ASTN1: variants seen among roughly 807,000 people sequenced by gnomAD.
ASTN1 encodes the protein astrotactin 1, also known as astrotactin-1.
ASTN1 carries 41 observed loss-of-function variants against 140.7 expected under a neutral mutation model. That is an observed-to-expected ratio of 0.29 (90% CI 0.23 to 0.38). The LOEUF is 0.38. Ranked by LOEUF, ASTN1 falls within the 10% of genes least tolerant of loss-of-function variation. ASTN1 has a pLI of 1.00. For synonymous variants in ASTN1, 640 were observed against 652.2 expected, an observed-to-expected ratio of 0.98 and a Z score of 0.29; for missense variants, 1,479 against 1,678.8, an observed-to-expected ratio of 0.88 and a Z score of 2.08.
intron 8 of ASTN1, among the ~76,000 whole-genome samples, chr1:176,972,697 C>T (rs1673190520): frequency 6.6e-6 from 1 of 150,760 alleles, no homozygotes. Flanking sequence ...ATATAAATCT[C>T]ATGCAAAGAA....
At chr1:177,008,182 G>GT (rs745979110) in intron 8 of ASTN1, among the ~76,000 whole-genome samples, 16 of 152,090 alleles carry the variant, frequency 1.1e-4, no homozygotes, top group African/African-American at 1.7e-4. Flanking sequence ...CCAAGGAAGG[G>GT]TTTTTTTGTT....
chr1:176,995,379 C>T (rs1571621437), intron 8 of ASTN1, among the ~76,000 whole-genome samples: 1 of 152,098 alleles, frequency 6.6e-6, no homozygotes, highest in Non-Finnish European at 1.5e-5. Context: ...TATTAAGACT[C>T]GATAGCATCA....
intron 9 of ASTN1, among the ~76,000 whole-genome samples, chr1:176,959,594 G>C (rs1056700991): frequency 4.6e-5 from 7 of 152,266 alleles, no homozygotes; most frequent in Admixed American, 2.6e-4. Context: ...CTGAGTTAGA[G>C]AGCAGCCAAG....
chr1:176,958,195 C>T (rs752553011), intron 10 of ASTN1, 150 bp downstream of exon 10: 2 of 1,213,100 alleles, frequency 1.6e-6, no homozygotes, highest in Non-Finnish European at 2.3e-6. Flanking sequence ...AAAGCAGACC[C>T]TGGCACAACA....
At chr1:176,894,321 A>G (rs1669397800) in intron 17 of ASTN1, among the ~76,000 whole-genome samples, 1 of 152,182 alleles carries the variant, frequency 6.6e-6, no homozygotes. Context: ...CCAGCCCTAC[A>G]CAGGTGCTCA....
intron 2 of ASTN1, among the ~76,000 whole-genome samples, chr1:177,048,885 G>A (rs1008922890): frequency 2.0e-5 from 3 of 152,324 alleles, no homozygotes; most frequent in Non-Finnish European, 4.4e-5. Context: ...ACTGGGCCAT[G>A]TGAAGGGTTC....
At chr1:176,932,052 C>T (rs1251391945) in intron 16 of ASTN1, among the ~76,000 whole-genome samples, 1 of 152,214 alleles carries the variant, frequency 6.6e-6, no homozygotes, top group African/African-American at 2.4e-5. Flanking sequence ...TGACTCTAGA[C>T]TTCCATCCTT....
At chr1:176,943,169 A>G (rs949280549) in intron 14 of ASTN1, among the ~76,000 whole-genome samples, 5 of 152,022 alleles carry the variant, frequency 3.3e-5, no homozygotes, top group Admixed American at 2.6e-4. Context: ...GCCGCCTCTC[A>G]TTAGTCCATG....
At chr1:176,990,236 G>C (rs12750618) in intron 8 of ASTN1, among the ~76,000 whole-genome samples, 1 of 147,780 alleles carries the variant, frequency 6.8e-6, no homozygotes, top group African/African-American at 2.5e-5. Context: ...GCACAGCAGG[G>C]GTGGGGGGGT....
chr1:176,862,984 A>G lies in ASTN1; in HGVS notation c.*1300T>C. On this transcript the variant is annotated 3_prime_UTR_variant, in exon 23 of 23. Coordinates refer to ENST00000361833, the MANE Select transcript of ASTN1 (RefSeq NM_004319.3). The stretch of plus-strand genomic sequence containing the variant: ...GGCCACTGAGTTGTGTGGGACAGCT[A>G]AGGCCATTGCTAGTCAACAGGGCCT... 1.0e-6 allele frequency: 1 copy of G among 985,470 alleles called. No individual in the cohort carries two copies. The highest frequency in any genetic ancestry group is 1.2e-6 in the Non-Finnish European group (1 of 829,942). The allele number at this position is 985,470 out of a possible 1,614,324, so 61.0% of individuals were successfully genotyped here. A position where few individuals can be genotyped will look rare whatever the true frequency, so the allele number is the denominator to read the frequency against.
chr1:177,086,223 A>G (rs1364232387), intron 1 of ASTN1, among the ~76,000 whole-genome samples: 2 of 110,510 alleles, frequency 1.8e-5, no homozygotes, highest in East Asian at 6.2e-4. Context: ...TTCCCTAGTG[A>G]GCTTCTTTCC....
intron 21 of ASTN1, among the ~76,000 whole-genome samples, chr1:176,872,091 C>T (rs1341931430): frequency 6.6e-6 from 1 of 152,084 alleles, no homozygotes; most frequent in Non-Finnish European, 1.5e-5. Flanking sequence ...GGACAAGTTA[C>T]TTAACCTCTC....
chr1:177,017,031 T>C (rs228020), intron 7 of ASTN1, among the ~76,000 whole-genome samples: 91,228 of 152,116 alleles, frequency 0.6, 28,245 homozygotes, highest in African/African-American at 0.73. Context: ...GAGTTCTCTT[T>C]CACATTTGAT....
chr1:177,136,001 A>G (rs991256886), intron 1 of ASTN1, among the ~76,000 whole-genome samples: 1 of 152,200 alleles, frequency 6.6e-6, no homozygotes, highest in Non-Finnish European at 1.5e-5. Context: ...AAAATGAAGC[A>G]AAACAAATGT....
At chr1:177,006,133 T>G (rs1674981962) in intron 8 of ASTN1, among the ~76,000 whole-genome samples, 1 of 152,268 alleles carries the variant, frequency 6.6e-6, no homozygotes, top group African/African-American at 2.4e-5. Flanking sequence ...AGCTTAAAAT[T>G]GAAGGTTTTA....
At chr1:177,016,262 C>T (rs1217736883) in intron 7 of ASTN1, among the ~76,000 whole-genome samples, 1 of 147,832 alleles carries the variant, frequency 6.8e-6, no homozygotes, top group East Asian at 2.0e-4. Flanking sequence ...TTGTCCCCCA[C>T]AGCAGTTCAG....
At chr1:176,934,388 G>T in intron 15 of ASTN1, 48 bp from the exon 16 acceptor site, 1 of 1,526,666 alleles carries the variant, frequency 6.6e-7, no homozygotes, top group East Asian at 2.3e-5. Context: ...TCAGATTTTG[G>T]GTATACGGAT....
At chr1:177,144,819 G>A (rs971773595) in intron 1 of ASTN1, among the ~76,000 whole-genome samples, 6 of 152,020 alleles carry the variant, frequency 3.9e-5, no homozygotes, top group African/African-American at 1.4e-4. Context: ...TAGATTCAAT[G>A]TGCAGCGATA....
intron 1 of ASTN1, among the ~76,000 whole-genome samples, chr1:177,129,241 G>A (rs1262246861): frequency 2.0e-5 from 3 of 152,196 alleles, no homozygotes; most frequent in African/African-American, 2.4e-5. Flanking sequence ...TAATCACTGC[G>A]TTCATAGAAC....
Sources: gnomAD v4.1 joint callset for allele counts (sites outside exome capture counted in the v4.1 genomes callset) on GRCh38, gnomAD v4.1.1 for gene constraint, MANE v1.5 for transcripts, NCBI Gene and HGNC (gene_info 2026-07-23, HGNC 2026-07-21) for gene names.